SIPA1L3: variants seen among roughly 807,000 people sequenced by gnomAD.
SIPA1L3 encodes the protein signal induced proliferation associated 1 like 3.
In SIPA1L3, 59 loss-of-function variants were observed where a neutral mutation model predicts 150.1. That is an observed-to-expected ratio of 0.39 (90% confidence interval 0.32 to 0.49). SIPA1L3 has a LOEUF of 0.49. SIPA1L3 is among the 20% of genes least tolerant of loss of function. SIPA1L3 has a pLI of 0.86. For synonymous variants in SIPA1L3, 1,070 were observed against 1,077.6 expected (o/e 0.99, Z 0.14); for missense variants, 2,211 against 2,489.5 (o/e 0.89, Z 2.38).
chr19:38,112,875 C>G (rs1483029442), intron 8 of SIPA1L3, among the ~76,000 whole-genome samples: 1 of 152,100 alleles, frequency 6.6e-6, no homozygotes, highest in African/African-American at 2.4e-5. Flanking sequence ...ACCCCCAACT[C>G]CTGTCCCCCA....
intron 1 of SIPA1L3, among the ~76,000 whole-genome samples, chr19:37,909,857 GA>G (rs1332482300): frequency 6.6e-6 from 1 of 151,996 alleles, no homozygotes; most frequent in African/African-American, 2.4e-5. Flanking sequence ...TTTATTGTCA[GA>G]AACCTGTCAT....
chr19:37,917,840 A>T (rs1314867028), intron 1 of SIPA1L3, among the ~76,000 whole-genome samples: 1 of 152,062 alleles, frequency 6.6e-6, no homozygotes, highest in Non-Finnish European at 1.5e-5. Flanking sequence ...CTCCACCTCT[A>T]CAAAAATTTA....
At chr19:37,981,390 C>T (rs1356591662) in intron 1 of SIPA1L3, among the ~76,000 whole-genome samples, 1 of 149,692 alleles carries the variant, frequency 6.7e-6, no homozygotes. Context: ...TGCCACTGTA[C>T]TCCAGTCTGG....
chr19:38,195,936 G>T (rs1043158654), intron 18 of SIPA1L3, among the ~76,000 whole-genome samples: 13 of 151,998 alleles, frequency 8.6e-5, no homozygotes, highest in Non-Finnish European at 5.9e-5. Context: ...GACGGGGCCT[G>T]GGGTTTTCTC....
chr19:38,176,373 G>T (rs1057263534), intron 15 of SIPA1L3, among the ~76,000 whole-genome samples: 14 of 145,850 alleles, frequency 9.6e-5, no homozygotes, highest in South Asian at 4.4e-4. Context: ...TTTAGGGTTG[G>T]TTTTTTTTTT....
chr19:38,192,558 G>A (rs1017151255), intron 17 of SIPA1L3, among the ~76,000 whole-genome samples: 1 of 152,210 alleles, frequency 6.6e-6, no homozygotes, highest in Non-Finnish European at 1.5e-5. Context: ...ACCCCATACC[G>A]AGAACCTCGC....
intron 1 of SIPA1L3, among the ~76,000 whole-genome samples, chr19:37,938,143 C>T (rs890027865): frequency 6.6e-6 from 1 of 152,168 alleles, no homozygotes; most frequent in African/African-American, 2.4e-5. Flanking sequence ...AGACTGGTAC[C>T]ACTGGGACTC....
At chr19:37,922,757 A>C (rs978123891) in intron 1 of SIPA1L3, among the ~76,000 whole-genome samples, 3 of 152,040 alleles carry the variant, frequency 2.0e-5, no homozygotes, top group Non-Finnish European at 4.4e-5. Flanking sequence ...GGGTGCAGCC[A>C]TGAGGAAAAC....
chr19:38,203,389 G>A lies in SIPA1L3; in HGVS notation c.5121-738G>A, dbSNP rs767470440. Among the ~76,000 whole-genome samples, 10 of 152,356 alleles carry A rather than the reference G, an allele frequency of 6.6e-5. 1 individual carries two copies. Among genetic ancestry groups the A allele is most frequent in the Non-Finnish European group, 1.3e-4 (9 of 68,034 alleles). ...GGAGGGCCAGCCCCCGACCGCCACC[G>A]CCTCTGTGCCTGTGCACGCACGGCA... On this transcript the variant is annotated intron_variant, in intron 20 of 21. Coordinates refer to ENST00000222345, the MANE Select transcript of SIPA1L3 (RefSeq NM_015073.3).
chr19:38,011,618 G>A (rs569974631), intron 1 of SIPA1L3, among the ~76,000 whole-genome samples: 1 of 152,346 alleles, frequency 6.6e-6, no homozygotes, highest in Admixed American at 6.5e-5. Context: ...ACGTGCAAAG[G>A]CCCCAGGGCA....
At chr19:38,159,010 A>T (rs73627635) in intron 13 of SIPA1L3, among the ~76,000 whole-genome samples, 4,614 of 152,342 alleles carry the variant, frequency 0.03, 223 homozygotes, top group African/African-American at 0.099. Flanking sequence ...TTCGCTCTGT[A>T]GAAATGTGGT....
chr19:38,004,468 T>C (rs1309871257), intron 1 of SIPA1L3, among the ~76,000 whole-genome samples: 2 of 152,222 alleles, frequency 1.3e-5, no homozygotes, highest in Non-Finnish European at 2.9e-5. Context: ...CCTGGGGCTA[T>C]TGCCAGTGAC....
At chr19:38,059,941 A>G (rs1487035654) in intron 2 of SIPA1L3, among the ~76,000 whole-genome samples, 1 of 152,124 alleles carries the variant, frequency 6.6e-6, no homozygotes, top group East Asian at 1.9e-4. Context: ...CACTTGGCTA[A>G]TTTTTGTACT....
intron 20 of SIPA1L3, among the ~76,000 whole-genome samples, chr19:38,202,665 G>T (rs4803862): frequency 6.6e-6 from 1 of 152,030 alleles, no homozygotes; most frequent in Non-Finnish European, 1.5e-5. Flanking sequence ...CGTCAGCCCC[G>T]TCGCTGCCAA....
At chr19:37,988,446 C>T (rs1014225854) in intron 1 of SIPA1L3, among the ~76,000 whole-genome samples, 29 of 152,054 alleles carry the variant, frequency 1.9e-4, no homozygotes, top group East Asian at 3.9e-4. Flanking sequence ...GAGGCCGAGG[C>T]GGGTGGATCA....
At chr19:38,173,294 C>T (rs892913617) in intron 15 of SIPA1L3, among the ~76,000 whole-genome samples, 6 of 152,330 alleles carry the variant, frequency 3.9e-5, no homozygotes, top group South Asian at 4.1e-4. Flanking sequence ...CGGCCCTTGC[C>T]GTGGAAGCAG....
chr19:38,086,835 T>C (rs1337617967), intron 3 of SIPA1L3, among the ~76,000 whole-genome samples: 1 of 152,140 alleles, frequency 6.6e-6, no homozygotes, highest in African/African-American at 2.4e-5. Context: ...CAAGTAGGAA[T>C]TTATAGCCAA....
chr19:38,039,318 A>G (rs1285150852), intron 2 of SIPA1L3, among the ~76,000 whole-genome samples: 1 of 151,716 alleles, frequency 6.6e-6, no homozygotes, highest in Non-Finnish European at 1.5e-5. Context: ...GTACCTAAAA[A>G]ATGCCATACG....
intron 1 of SIPA1L3, among the ~76,000 whole-genome samples, chr19:37,945,328 A>G (rs1005046175): frequency 6.6e-5 from 10 of 151,700 alleles, no homozygotes; most frequent in South Asian, 2.1e-4. Context: ...TCCACCTCCC[A>G]GGTTCAAGTG....
Sources: allele counts gnomAD v4.1 joint callset (sites outside exome capture counted in the v4.1 genomes callset), GRCh38; gene constraint gnomAD v4.1.1; transcripts MANE v1.5; gene names NCBI Gene and HGNC (gene_info 2026-07-23, HGNC 2026-07-21).